Variants in PHACTR2 observed in about 807,000 individuals in gnomAD.
The protein encoded by PHACTR2 is chromosome 6 open reading frame 56.
PHACTR2 carries 30 observed loss-of-function variants against 76.0 expected under a neutral mutation model. That is an observed-to-expected ratio of 0.39 (90% CI 0.30 to 0.54). The LOEUF is 0.54. Among genes scored for constraint, PHACTR2 ranks in the 20% least tolerant of loss-of-function variants. PHACTR2 has a pLI of 0.61. For missense variants in PHACTR2, 696 were observed against 781.1 expected (o/e 0.89, Z 1.30); for synonymous variants, 292 against 292.5 (o/e 1.00, Z 0.02).
At chr6:143,770,764 G>C (rs191675259) in intron 6 of PHACTR2, among the ~76,000 whole-genome samples, 1 of 152,078 alleles carries the variant, frequency 6.6e-6, no homozygotes, top group Non-Finnish European at 1.5e-5. Flanking sequence ...TATTTTTGAT[G>C]TGATGTTTTT....
chr6:143,603,413 TAAA>T (rs540737549), upstream of PHACTR2, among the ~76,000 whole-genome samples: 1 of 139,340 alleles, frequency 7.2e-6, no homozygotes. Flanking sequence ...TGCTCTGCCT[TAAA>T]AAAAAAAAAA....
At chr6:143,746,033 A>G (rs957217454) in intron 2 of PHACTR2, among the ~76,000 whole-genome samples, 6 of 152,250 alleles carry the variant, frequency 3.9e-5, no homozygotes, top group African/African-American at 9.6e-5. Context: ...TCCGGGATCC[A>G]TAATGGAAAG....
rs1358910801 is a variant in PHACTR2 at position 143,780,814 on chromosome 6, A to G, written c.1646-2405A>G. Among the ~76,000 whole-genome samples, 1 of 152,222 alleles carries G rather than the reference A, an allele frequency of 6.6e-6. No individual in the cohort carries two copies. Among genetic ancestry groups the G allele is most frequent in the Non-Finnish European group, 1.5e-5 (1 of 68,038 alleles). On this transcript the variant is annotated intron_variant, in intron 9 of 12. Coordinates refer to ENST00000440869, the MANE Select transcript of PHACTR2 (RefSeq NM_001100164.2). The surrounding 1 kb of genome is among the most constrained non-coding windows in gnomAD (Gnocchi z 4.4). ...ATGAACCACGTCACTTCCTTCATGC[A>G]TATCCCACCAGCCTGTTTAAATTGA... is the stretch of plus-strand genomic sequence containing the variant.
chr6:143,647,797 C>G lies in PHACTR2; in HGVS notation c.13+39475C>G, dbSNP rs1252124315. Among the ~76,000 whole-genome samples the G allele has an allele frequency of 6.6e-6, 1 of 151,978 alleles. No individual in the cohort carries two copies. Among genetic ancestry groups the G allele is most frequent in the Non-Finnish European group, 1.5e-5 (1 of 67,992 alleles). ...GGAATAGGCTTGTGTCTGAGAACCA[C>G]AAAAAAAGCCAGTGTGGCTGGAAAG... is the stretch of plus-strand genomic sequence containing the variant. On this transcript the variant is annotated intron_variant, in intron 1 of 11. Coordinates refer to the PHACTR2 transcript ENST00000305766. This position sits in a 1 kb window ranked among gnomAD's most constrained non-coding sequence, Gnocchi z 4.2.
chr6:143,619,954 G>C lies in PHACTR2; in HGVS notation c.13+11632G>C, dbSNP rs1199749797. Among the ~76,000 whole-genome samples, 2 of 93,162 alleles carry C rather than the reference G, an allele frequency of 2.1e-5. No homozygotes were observed. Among genetic ancestry groups the C allele is most frequent in the Non-Finnish European group, 5.7e-5 (2 of 35,008 alleles). 61.1% of individuals were successfully genotyped at this position (93,162 alleles called of 152,430 possible). On this transcript the variant is annotated intron_variant, in intron 1 of 11. Coordinates refer to the PHACTR2 transcript ENST00000305766. The surrounding 1 kb of genome is among the most constrained non-coding windows in gnomAD (Gnocchi z 4.5). The stretch of plus-strand genomic sequence containing the variant: ...TACTTACAGAACATGTCACTCGGTC[G>C]GGGGTGGGGGGTCAGTTCATTTGTT...
rs948406628 is a variant in PHACTR2 at position 143,761,087 on chromosome 6, TA to T, written c.694+449del. On this transcript the variant is annotated intron_variant, in intron 5 of 12. Coordinates refer to ENST00000440869, the MANE Select transcript of PHACTR2 (RefSeq NM_001100164.2). This position sits in a 1 kb window ranked among gnomAD's most constrained non-coding sequence, Gnocchi z 5.2. The stretch of plus-strand genomic sequence containing the variant: ...TAACTTTGATATATTTACTGGATGT[TA>T]ATGTGTTAAATCCTCAGCATCCATA... Among the ~76,000 whole-genome samples the T allele has an allele frequency of 6.6e-6, 1 of 152,346 alleles. No homozygotes were observed. Among genetic ancestry groups the T allele is most frequent in the Non-Finnish European group, 1.5e-5 (1 of 68,038 alleles).
At chr6:143,799,285 T>C (rs1582892886) in intron 11 of PHACTR2, among the ~76,000 whole-genome samples, 1 of 152,242 alleles carries the variant, frequency 6.6e-6, no homozygotes, top group Non-Finnish European at 1.5e-5. Context: ...TTTTCTTCTT[T>C]ATTAGTCTTG....
In PHACTR2 at chr6:143,597,910, C is replaced by G. The variant is rs1345296154; in HGVS notation, c.217+60703C>G. Among the ~76,000 whole-genome samples the G allele has an allele frequency of 6.6e-6, 1 of 152,136 alleles. No individual in the cohort carries two copies. Among genetic ancestry groups the G allele is most frequent in the Non-Finnish European group, 1.5e-5 (1 of 68,026 alleles). On this transcript the variant is annotated intron_variant, in intron 1 of 11. Coordinates refer to the PHACTR2 transcript ENST00000367584. This position sits in a 1 kb window ranked among gnomAD's most constrained non-coding sequence, Gnocchi z 5.7. ...CCCTTCCTGATGCTCCTCCTACCACCTGCCATATTTTCTACCTGTTACTCA... is the reference window on the plus strand; with the variant it reads ...CCCTTCCTGATGCTCCTCCTACCACGTGCCATATTTTCTACCTGTTACTCA...
chr6:143,727,950 T>C (rs1274214547), intron 2 of PHACTR2, among the ~76,000 whole-genome samples: 1 of 152,138 alleles, frequency 6.6e-6, no homozygotes, highest in Admixed American at 6.5e-5. Context: ...GATGCCCACT[T>C]TCACCTCTCC....
chr6:143,637,782 A>C (rs1776486456), intron 1 of PHACTR2, among the ~76,000 whole-genome samples: 1 of 152,232 alleles, frequency 6.6e-6, no homozygotes, highest in Non-Finnish European at 1.5e-5. Context: ...CTGCTGTAGC[A>C]ATGGGAGTCT....
chr6:143,725,652 T>A (rs900838054), intron 2 of PHACTR2, among the ~76,000 whole-genome samples: 8 of 150,832 alleles, frequency 5.3e-5, no homozygotes, highest in Non-Finnish European at 7.4e-5. Context: ...CTGGCCAATA[T>A]GGTGAAACCC....
chr6:143,632,279 G>T (rs546818306), intron 1 of PHACTR2, among the ~76,000 whole-genome samples: 3 of 152,214 alleles, frequency 2.0e-5, no homozygotes, highest in East Asian at 3.9e-4. Context: ...TCTATTTGGG[G>T]AAGAATAAGA....
intron 1 of PHACTR2, among the ~76,000 whole-genome samples, chr6:143,692,420 G>A (rs114724556): frequency 0.012 from 1,767 of 152,236 alleles, 40 homozygotes; most frequent in African/African-American, 0.04. Flanking sequence ...GCCTGACTGC[G>A]CTGTTTCATT....
Position 143,753,398 on chromosome 6 carries a change from C to T in PHACTR2, c.296-356C>T, listed in dbSNP as rs957150239. On this transcript the variant is annotated intron_variant, in intron 3 of 12. Coordinates refer to ENST00000440869, the MANE Select transcript of PHACTR2 (RefSeq NM_001100164.2). This position sits in a 1 kb window ranked among gnomAD's most constrained non-coding sequence, Gnocchi z 4.6. ...CTTGTAAAATGTTTATTCCATTTTC[C>T]AGATTATTCCTCTCGCCATTCTGTT... Among the ~76,000 whole-genome samples, 8 of 152,000 alleles carry T rather than the reference C, an allele frequency of 5.3e-5. No individual in the cohort carries two copies. The highest frequency in any genetic ancestry group is 1.3e-4 in the Admixed American group (2 of 15,254).
At chr6:143,687,659 C>T (rs1777553996) in intron 1 of PHACTR2, among the ~76,000 whole-genome samples, 1 of 152,174 alleles carries the variant, frequency 6.6e-6, no homozygotes, top group Admixed American at 6.6e-5. Flanking sequence ...AACCATCCCT[C>T]CATTTATTTT....
Position 143,749,071 on chromosome 6 carries a change from G to A in PHACTR2, c.295+6G>A. Reference sequence around the variant, plus strand: ...TAAGGAATTGCCTGATCAAGGTGAGGAAATTAATCATACATTTTAAATATT... The same window carrying A: ...TAAGGAATTGCCTGATCAAGGTGAGAAAATTAATCATACATTTTAAATATT... On this transcript the variant is annotated splice_donor_region_variant and intron_variant, in intron 3 of 12. Transcript: ENST00000440869. 1 of 1,439,480 alleles carries A rather than the reference G, an allele frequency of 6.9e-7. No homozygotes were observed. Among genetic ancestry groups the A allele is most frequent in the South Asian group, 1.2e-5 (1 of 86,212 alleles). 89.2% of individuals were successfully genotyped at this position (1,439,480 alleles called of 1,614,324 possible).
chr6:143,728,460 A>C (rs1778627599), intron 2 of PHACTR2, among the ~76,000 whole-genome samples: 1 of 151,940 alleles, frequency 6.6e-6, no homozygotes, highest in South Asian at 2.1e-4. Flanking sequence ...GTGATCCACC[A>C]GCCTCATGAG....
rs192187632 is a variant in PHACTR2, at chr6:143,565,306, G to T, written c.217+28099G>T. Among the ~76,000 whole-genome samples, 310 of 152,288 alleles carry T rather than the reference G, an allele frequency of 2.0e-3. 3 individuals carry two copies. Among genetic ancestry groups the T allele is most frequent in the African/African-American group, 7.1e-3 (296 of 41,562 alleles). On this transcript the variant is annotated intron_variant, in intron 1 of 11. Coordinates refer to the PHACTR2 transcript ENST00000367584. ...AAAAAGTAAGTAGAAAAAAGAAAAAGTACAGCAGCAAGGGAAATTCAAGAG... is the reference window on the plus strand; with the variant it reads ...AAAAAGTAAGTAGAAAAAAGAAAAATTACAGCAGCAAGGGAAATTCAAGAG...
At position 143,822,120 on chromosome 6, in the gene PHACTR2, C is replaced by G. The variant is rs978590837; in HGVS notation, c.1923-1554C>G. ...AGCAGTGATAGAGATATAGCTAGAA[C>G]CATGAGTTGGGCCACTTTCTGAAAA... On this transcript the variant is annotated intron_variant, in intron 12 of 12. Coordinates refer to ENST00000440869, the MANE Select transcript of PHACTR2 (RefSeq NM_001100164.2). This position sits in a 1 kb window ranked among gnomAD's most constrained non-coding sequence, Gnocchi z 5.5. Among the ~76,000 whole-genome samples the G allele has an allele frequency of 2.6e-5, 4 of 152,288 alleles. No homozygotes were observed. The highest frequency in any genetic ancestry group is 2.1e-4 in the South Asian group (1 of 4,826).
Sources: allele counts gnomAD v4.1 joint callset (sites outside exome capture counted in the v4.1 genomes callset), GRCh38; gene constraint gnomAD v4.1.1; non-coding constraint Gnocchi (gnomAD v3.1); transcripts MANE v1.5; gene names NCBI Gene and HGNC (gene_info 2026-07-23, HGNC 2026-07-21).